Variants in DCAF8 observed in about 807,000 individuals in gnomAD.
The protein encoded by DCAF8 is DDB1- and CUL4-associated factor 8.
A neutral mutation model predicts 68.0 loss-of-function variants in DCAF8; 20 were observed. The observed-to-expected ratio is 0.29, with a 90% CI of 0.21 to 0.43. The LOEUF is 0.43. DCAF8 is among the 20% of genes least tolerant of loss of function. The probability of loss-of-function intolerance (pLI) is 1.00; values close to 1 mark genes in which losing one functional copy is unlikely to be tolerated. For missense variants in DCAF8, 460 were observed against 771.0 expected, an observed-to-expected ratio of 0.60 and a Z score of 4.78; for synonymous variants, 230 against 276.9, an observed-to-expected ratio of 0.83 and a Z score of 1.68.
chr1:160,259,550 A>AC lies in DCAF8; in HGVS notation c.-27+1734_-27+1735insG, dbSNP rs1553198972. Among the ~76,000 whole-genome samples the AC allele has an allele frequency of 9.3e-4, 139 of 149,018 alleles. 1 individual carries two copies. In the East Asian group the frequency reaches 0.024, roughly 26 times the overall value. On this transcript the variant is annotated intron_variant, in intron 2 of 13. Transcript: ENST00000368074. The stretch of plus-strand genomic sequence containing the variant: ...CGTCAAAAAACAAACAAACAAACAA[A>AC]AAAAACCTCTTCATTCCTAACTCCC...
intron 2 of DCAF8, among the ~76,000 whole-genome samples, chr1:160,246,269 A>T (rs1410775386): frequency 2.0e-5 from 3 of 152,176 alleles, no homozygotes; most frequent in Non-Finnish European, 4.4e-5. Flanking sequence ...CCCCACTATT[A>T]TCCACTCCCA....
At chr1:160,231,925 T>C (rs1038568974) in intron 6 of DCAF8, among the ~76,000 whole-genome samples, 1 of 152,192 alleles carries the variant, frequency 6.6e-6, no homozygotes, top group African/African-American at 2.4e-5. Flanking sequence ...GTATGGTGGC[T>C]CATGCCTGTA....
chr1:160,224,910 G>T (rs1282589395), intron 9 of DCAF8, 152 bp downstream of exon 9: 3 of 729,780 alleles, frequency 4.1e-6, no homozygotes, highest in Non-Finnish European at 7.3e-6. Context: ...GTATCCTCCC[G>T]CTATGTGCTC....
intron 6 of DCAF8, among the ~76,000 whole-genome samples, chr1:160,236,342 A>G (rs1377196496): frequency 1.3e-5 from 2 of 151,930 alleles, no homozygotes; most frequent in African/African-American, 2.4e-5. Flanking sequence ...ATATGTGTGT[A>G]TATGTGTGTA....
chr1:160,254,506 T>G (rs976891071), intron 2 of DCAF8, among the ~76,000 whole-genome samples: 7 of 152,056 alleles, frequency 4.6e-5, no homozygotes, highest in African/African-American at 1.5e-4. Flanking sequence ...CCCTGGTTTT[T>G]TTTTTGGCCA....
intron 12 of DCAF8, 125 bp from the exon 13 acceptor site, chr1:160,218,565 A>G: frequency 1.2e-6 from 1 of 822,906 alleles, no homozygotes; most frequent in East Asian, 2.4e-5. Context: ...ACATTAGATT[A>G]GGAAATGATG....
intron 2 of DCAF8, among the ~76,000 whole-genome samples, chr1:160,256,594 C>T (rs1351306827): frequency 2.0e-5 from 3 of 152,018 alleles, no homozygotes; most frequent in Non-Finnish European, 4.4e-5. Flanking sequence ...AAAAATGGCA[C>T]GTGAGGCAAA....
At chr1:160,256,752 G>A (rs1656851457) in intron 2 of DCAF8, among the ~76,000 whole-genome samples, 1 of 152,186 alleles carries the variant, frequency 6.6e-6, no homozygotes, top group African/African-American at 2.4e-5. Context: ...TGACATCTTT[G>A]TCATATTAAT....
chr1:160,224,939 C>G, intron 9 of DCAF8, 123 bp downstream of exon 9: 1 of 915,002 alleles, frequency 1.1e-6, no homozygotes, highest in South Asian at 1.4e-5. Flanking sequence ...CAGTTACTCC[C>G]CAGCTGCTCT....
intron 6 of DCAF8, among the ~76,000 whole-genome samples, chr1:160,234,745 T>C (rs1655812538): frequency 6.6e-6 from 1 of 152,210 alleles, no homozygotes; most frequent in Non-Finnish European, 1.5e-5. Context: ...GAACTGGAAA[T>C]AACAAACATC....
At chr1:160,221,961 A>C (rs750541832) in intron 11 of DCAF8, among the ~76,000 whole-genome samples, 5 of 152,138 alleles carry the variant, frequency 3.3e-5, no homozygotes, top group Non-Finnish European at 7.3e-5. Context: ...CAGGCAGACT[A>C]TGATACGATC....
intron 1 of DCAF8, 142 bp downstream of exon 1, chr1:160,262,307 T>C: frequency 2.5e-6 from 1 of 399,284 alleles, no homozygotes; most frequent in Middle Eastern, 6.3e-4. Flanking sequence ...GGTGTCCGGC[T>C]GGGGCAGTTA....
At chr1:160,243,273 AAAG>A (rs1287007653) in intron 3 of DCAF8, among the ~76,000 whole-genome samples, 2 of 152,124 alleles carry the variant, frequency 1.3e-5, no homozygotes, top group Non-Finnish European at 1.5e-5. Flanking sequence ...CTGGTCCTGA[AAAG>A]AAGGAGGAGG....
rs1657079866 is a variant in DCAF8, at chr1:160,261,276, C to T, written c.-27+9G>A. 6.6e-6 allele frequency: 1 copy of T among 152,228 alleles called. No individual in the cohort carries two copies. Among genetic ancestry groups the T allele is most frequent in the Admixed American group, 6.5e-5 (1 of 15,282 alleles). 9.4% of individuals were successfully genotyped at this position (152,228 alleles called of 1,614,324 possible). A position where few individuals can be genotyped will look rare whatever the true frequency, so the allele number is the denominator to read the frequency against. Reference sequence around the variant, plus strand: ...CTCAAGAATTTTAATGCCTCCAACTCCCACTCACCTTTCCTCCTTTTATCA... The same window carrying T: ...CTCAAGAATTTTAATGCCTCCAACTTCCACTCACCTTTCCTCCTTTTATCA... On this transcript the variant is annotated intron_variant, in intron 2 of 13. Transcript: ENST00000368074.
intron 3 of DCAF8, among the ~76,000 whole-genome samples, chr1:160,243,743 GCT>G (rs1478659985): frequency 1.3e-5 from 2 of 152,122 alleles, no homozygotes; most frequent in African/African-American, 2.4e-5. Flanking sequence ...TAGAAGTACA[GCT>G]CTGTTATTGA....
chr1:160,225,153 A>C (rs1655420042), intron 8 of DCAF8, 34 bp from the exon 9 acceptor site: 2 of 1,574,002 alleles, frequency 1.3e-6, no homozygotes, highest in Non-Finnish European at 1.7e-6. Flanking sequence ...CTGATGCCCC[A>C]CCCCCCCATT....
intron 7 of DCAF8, 151 bp downstream of exon 7, chr1:160,231,146 G>A: frequency 1.6e-6 from 1 of 617,320 alleles, no homozygotes; most frequent in Non-Finnish European, 2.9e-6. Flanking sequence ...ATCTCCAAAG[G>A]CGTGTAAGAT....
chr1:160,224,301 AC>A, intron 10 of DCAF8, 140 bp downstream of exon 10: 1 of 613,108 alleles, frequency 1.6e-6, no homozygotes, highest in Non-Finnish European at 2.8e-6. Context: ...AAACATGAAA[AC>A]TCCAGCCCAA....
intron 3 of DCAF8, among the ~76,000 whole-genome samples, chr1:160,243,482 G>C (rs573557359): frequency 1.3e-5 from 2 of 150,334 alleles, no homozygotes; most frequent in African/African-American, 4.9e-5. Context: ...GGGCTCAAGC[G>C]ATCTGCCTGT....
Sources: gnomAD v4.1 joint callset for allele counts (sites outside exome capture counted in the v4.1 genomes callset) on GRCh38, gnomAD v4.1.1 for gene constraint, MANE v1.5 for transcripts, NCBI Gene and HGNC (gene_info 2026-07-23, HGNC 2026-07-21) for gene names.